Variants in ATG7 observed in about 807,000 individuals in gnomAD.
ATG7 encodes the protein autophagy related 7, also known as ubiquitin-like modifier-activating enzyme ATG7.
A neutral mutation model predicts 82.4 loss-of-function variants in ATG7; 70 were observed. The ratio of observed to expected loss-of-function variants is 0.85; its 90% CI spans 0.70 to 1.04. The LOEUF (loss-of-function observed/expected upper bound fraction) is 1.04, where lower values mean the gene tolerates loss of function less well. Among genes scored for constraint, ATG7 ranks in the 50% least tolerant of loss-of-function variants. ATG7 has a pLI of 0.00. For missense variants in ATG7, 792 were observed against 864.3 expected (o/e 0.92, Z 1.05); for synonymous variants, 287 against 313.0 (o/e 0.92, Z 0.88).
At chr3:11,286,324 A>G (rs979551593) in intron 3 of ATG7, among the ~76,000 whole-genome samples, 1 of 152,146 alleles carries the variant, frequency 6.6e-6, no homozygotes. Context: ...TTGTGCATGC[A>G]TGTTTCCTGC....
intron 19 of ATG7, among the ~76,000 whole-genome samples, chr3:11,394,868 T>C (rs1403491633): frequency 6.6e-6 from 1 of 152,164 alleles, no homozygotes; most frequent in East Asian, 1.9e-4. Flanking sequence ...GCTGTTACAA[T>C]ATCCAGCCAC....
At chr3:11,327,589 C>CA (rs1490015115) in intron 9 of ATG7, among the ~76,000 whole-genome samples, 1 of 152,216 alleles carries the variant, frequency 6.6e-6, no homozygotes, top group African/African-American at 2.4e-5. Context: ...TTGCTGCAGA[C>CA]AATCAAGAAG....
chr3:11,507,075 G>A (rs2153070111), intron 20 of ATG7, among the ~76,000 whole-genome samples: 1 of 152,320 alleles, frequency 6.6e-6, no homozygotes, highest in South Asian at 2.1e-4. Context: ...GAGATCAGGA[G>A]TTTGAGAACA....
chr3:11,451,567 A>C (rs2085135531), intron 20 of ATG7, among the ~76,000 whole-genome samples: 1 of 152,144 alleles, frequency 6.6e-6, no homozygotes, highest in Non-Finnish European at 1.5e-5. Flanking sequence ...CCCTTGGCCC[A>C]AGCGTATCAC....
chr3:11,361,591 A>G (rs978528971), intron 16 of ATG7, among the ~76,000 whole-genome samples: 1 of 152,170 alleles, frequency 6.6e-6, no homozygotes, highest in African/African-American at 2.4e-5. Context: ...CCAATAATGA[A>G]TAATTTTTTG....
intron 19 of ATG7, among the ~76,000 whole-genome samples, chr3:11,398,773 C>T (rs2079542779): frequency 6.6e-6 from 1 of 152,074 alleles, no homozygotes; most frequent in Non-Finnish European, 1.5e-5. Context: ...ATTGCTTAAG[C>T]CCGGGAGTTT....
intron 19 of ATG7, among the ~76,000 whole-genome samples, chr3:11,406,523 G>A (rs1451355141): frequency 6.6e-6 from 1 of 152,144 alleles, no homozygotes; most frequent in East Asian, 1.9e-4. Flanking sequence ...GCCCAGGCTG[G>A]CCTTGAACTC....
chr3:11,388,240 T>A (rs763516820), intron 19 of ATG7, among the ~76,000 whole-genome samples: 9 of 152,094 alleles, frequency 5.9e-5, no homozygotes, highest in Non-Finnish European at 1.2e-4. Flanking sequence ...CTAGTTTTTG[T>A]GTCTCTGAGA....
chr3:11,429,357 A>G (rs1030613162), intron 20 of ATG7, among the ~76,000 whole-genome samples: 1 of 151,990 alleles, frequency 6.6e-6, no homozygotes, highest in East Asian at 1.9e-4. Context: ...TTAGTCGGGC[A>G]TGGTGGCACA....
intron 4 of ATG7, chr3:11,299,078 C>A: frequency 1.7e-6 from 1 of 595,314 alleles, no homozygotes. Context: ...AATTATTAAT[C>A]CAAATAATAC....
chr3:11,535,371 A>G (rs573906678), intron 20 of ATG7, among the ~76,000 whole-genome samples: 4 of 152,320 alleles, frequency 2.6e-5, no homozygotes, highest in South Asian at 4.1e-4. Flanking sequence ...GGCACCCAGC[A>G]TGGTGCCCAA....
At chr3:11,530,376 A>G (rs1052030475) in intron 20 of ATG7, among the ~76,000 whole-genome samples, 1 of 152,148 alleles carries the variant, frequency 6.6e-6, no homozygotes, top group South Asian at 2.1e-4. Context: ...CACCTTCTGC[A>G]TTTAAACAGC....
chr3:11,417,810 A>AT (rs368598930), intron 19 of ATG7, among the ~76,000 whole-genome samples: 2,553 of 97,904 alleles, frequency 0.026, 98 homozygotes, highest in African/African-American at 0.1. Flanking sequence ...ATTTTATTTT[A>AT]TTTTATTTTT....
chr3:11,280,135 C>T (rs1360742588), intron 1 of ATG7, among the ~76,000 whole-genome samples: 2 of 152,048 alleles, frequency 1.3e-5, no homozygotes, highest in African/African-American at 4.8e-5. Flanking sequence ...CAACCTGCGC[C>T]TCCCGGGTTC....
chr3:11,272,965 T>A (rs960515782), intron 1 of ATG7, among the ~76,000 whole-genome samples: 10 of 152,196 alleles, frequency 6.6e-5, no homozygotes, highest in African/African-American at 2.4e-4. Context: ...ATCAATCCGG[T>A]AAGGTAAATA....
intron 20 of ATG7, among the ~76,000 whole-genome samples, chr3:11,508,380 T>G (rs560621422): frequency 6.6e-6 from 1 of 152,176 alleles, no homozygotes; most frequent in East Asian, 1.9e-4. Flanking sequence ...TAAGAAAGTT[T>G]ACAAATTTGT....
At chr3:11,346,746 C>T (rs1353389743) in intron 13 of ATG7, among the ~76,000 whole-genome samples, 1 of 152,208 alleles carries the variant, frequency 6.6e-6, no homozygotes, top group Admixed American at 6.5e-5. Context: ...GCACAAGTGA[C>T]TTTATTCTGC....
Position 11,457,165 on chromosome 3 carries a change from C to T in ATG7, c.2079+30239C>T, listed in dbSNP as rs77077673. Among the ~76,000 whole-genome samples the T allele has an allele frequency of 1.4e-4, 21 of 152,280 alleles. No homozygotes were observed. The East Asian group carries it at 3.3e-3, about 24-fold the overall frequency. On this transcript the variant is annotated intron_variant, in intron 20 of 20. Coordinates refer to ENST00000693202, the MANE Select transcript of ATG7 (RefSeq NM_001349232.2). ...TAAGAAAACAGCTTACCCAAATGAG[C>T]GGAAAGATGCCAGGTTTATAAAATG...
intron 20 of ATG7, among the ~76,000 whole-genome samples, chr3:11,447,830 G>C (rs961071380): frequency 2.6e-5 from 4 of 152,230 alleles, no homozygotes; most frequent in Admixed American, 2.0e-4. Context: ...GCCAGGGGCA[G>C]GTCATACTGA....
Sources: gnomAD v4.1 joint callset for allele counts (sites outside exome capture counted in the v4.1 genomes callset) on GRCh38, gnomAD v4.1.1 for gene constraint, MANE v1.5 for transcripts, NCBI Gene and HGNC (gene_info 2026-07-23, HGNC 2026-07-21) for gene names.